The following BRD10 variants were observed in gnomAD, a reference collection of about 807,000 sequenced individuals.
BRD10 encodes the protein uncharacterized bromodomain-containing protein 10.
the BRD10 span, among the ~76,000 whole-genome samples, chr9:5,943,273 T>C: frequency 2.6e-5 from 4 of 152,196 alleles, no homozygotes; most frequent in Non-Finnish European, 5.9e-5. Flanking sequence ...CAGAAGTCTT[T>C]TTCTCCTATA....
At chr9:5,905,920 T>G in the BRD10 span, among the ~76,000 whole-genome samples, 1 of 152,212 alleles carries the variant, frequency 6.6e-6, no homozygotes, top group Non-Finnish European at 1.5e-5. Flanking sequence ...ATTTTGCAGT[T>G]TTTTTCTTTC....
At chr9:5,911,145 A>G in the BRD10 span, among the ~76,000 whole-genome samples, 2 of 152,220 alleles carry the variant, frequency 1.3e-5, no homozygotes, top group Non-Finnish European at 2.9e-5. Context: ...AGTTTCTCCA[A>G]CGCTTTCTTT....
chr9:5,939,540 G>A, the BRD10 span, among the ~76,000 whole-genome samples: 1 of 152,192 alleles, frequency 6.6e-6, no homozygotes, highest in Non-Finnish European at 1.5e-5. Context: ...GTTCCATCAA[G>A]TACAAGTCTT....
At chr9:6,007,817 G>A in the BRD10 span, 1 of 1,434,904 alleles carries the variant, frequency 7.0e-7, no homozygotes, top group South Asian at 1.4e-5. Context: ...GGGCGGTGTG[G>A]AACAGCCGCT....
the BRD10 span, among the ~76,000 whole-genome samples, chr9:5,882,869 T>C: frequency 1.3e-5 from 2 of 152,172 alleles, no homozygotes; most frequent in African/African-American, 4.8e-5. Context: ...GGGACATGGA[T>C]GAAGCTGGAA....
the BRD10 span, among the ~76,000 whole-genome samples, chr9:6,005,488 G>C: frequency 5.3e-5 from 8 of 152,232 alleles, no homozygotes; most frequent in African/African-American, 1.7e-4. Context: ...CTGGGCTACA[G>C]AGGGAGACTC....
At chr9:5,894,393 C>T in the BRD10 span, among the ~76,000 whole-genome samples, 1 of 152,134 alleles carries the variant, frequency 6.6e-6, no homozygotes, top group Admixed American at 6.5e-5. The surrounding 1 kb of genome is among the most constrained non-coding windows in gnomAD (Gnocchi z 4.0). Flanking sequence ...TCGGGGCAAC[C>T]AAGGCTGTAC....
chr9:5,948,587 C>T, the BRD10 span, among the ~76,000 whole-genome samples: 2 of 151,686 alleles, frequency 1.3e-5, no homozygotes, highest in Non-Finnish European at 1.5e-5. Context: ...GAAATTATGT[C>T]CTTTGGATAG....
At chr9:5,882,099 A>C in the BRD10 span, among the ~76,000 whole-genome samples, 1 of 152,190 alleles carries the variant, frequency 6.6e-6, no homozygotes, top group Non-Finnish European at 1.5e-5. Flanking sequence ...CACAGTGCTT[A>C]ATAGGAAACA....
At chr9:5,959,419 T>C in the BRD10 span, among the ~76,000 whole-genome samples, 5 of 152,164 alleles carry the variant, frequency 3.3e-5, no homozygotes, top group Admixed American at 1.3e-4. Context: ...TGGGGAATAA[T>C]AGTAATATTT....
At chr9:6,008,043 C>CG in the BRD10 span, 11 of 1,143,234 alleles carry the variant, frequency 9.6e-6, no homozygotes, top group Non-Finnish European at 1.1e-5. Context: ...CCCTCCCCCC[C>CG]GGCGGCGGCG....
At chr9:6,006,293 G>T in the BRD10 span, among the ~76,000 whole-genome samples, 6,126 of 152,206 alleles carry the variant, frequency 0.04, 317 homozygotes, top group South Asian at 0.13. Context: ...GGAAACTGAG[G>T]CCAAAAAGGT....
At chr9:5,973,862 A>G in the BRD10 span, among the ~76,000 whole-genome samples, 2,049 of 152,328 alleles carry the variant, frequency 0.013, 53 homozygotes, top group African/African-American at 0.047. Flanking sequence ...AGCCTGGGCA[A>G]CAGAGCAAGA....
chr9:5,933,596 T>A, the BRD10 span, among the ~76,000 whole-genome samples: 2 of 152,218 alleles, frequency 1.3e-5, no homozygotes, highest in African/African-American at 2.4e-5. Context: ...AAGTCCTTCA[T>A]TATATCATGC....
chr9:5,972,419 TG>T, the BRD10 span, among the ~76,000 whole-genome samples: 1 of 152,366 alleles, frequency 6.6e-6, no homozygotes, highest in East Asian at 1.9e-4. Context: ...TGATATAGTT[TG>T]GATATCTGCA....
the BRD10 span, among the ~76,000 whole-genome samples, chr9:5,946,701 A>G: frequency 6.6e-6 from 1 of 152,106 alleles, no homozygotes; most frequent in African/African-American, 2.4e-5. Context: ...TCTTATTTGC[A>G]CATATGGCAA....
At chr9:5,896,164 G>A in the BRD10 span, among the ~76,000 whole-genome samples, 4 of 152,314 alleles carry the variant, frequency 2.6e-5, no homozygotes, top group South Asian at 8.3e-4. Context: ...TGCTGGTTGT[G>A]CAGCCCTGGG....
chr9:6,005,586 C>T, the BRD10 span, among the ~76,000 whole-genome samples: 1 of 152,204 alleles, frequency 6.6e-6, no homozygotes, highest in Admixed American at 6.5e-5. Flanking sequence ...TATCTCTTAG[C>T]ACTTTCATTC....
chr9:5,924,750 T>C, the BRD10 span: 11 of 1,607,408 alleles, frequency 6.8e-6, no homozygotes, highest in African/African-American at 1.5e-4. Flanking sequence ...TTTTCCAAGA[T>C]CTCCTTCACC....
Sources: gnomAD v4.1 joint callset for allele counts (sites outside exome capture counted in the v4.1 genomes callset) on GRCh38, gnomAD v4.1.1 for gene constraint, Gnocchi (gnomAD v3.1) non-coding constraint, MANE v1.5 for transcripts, NCBI Gene and HGNC (gene_info 2026-07-23, HGNC 2026-07-21) for gene names.